PTPN3: variants seen among roughly 807,000 people sequenced by gnomAD.
PTPN3 encodes the protein protein tyrosine phosphatase non-receptor type 3, also known as tyrosine-protein phosphatase non-receptor type 3.
PTPN3 carries 96 observed loss-of-function variants against 132.7 expected under a neutral mutation model. That is an observed-to-expected ratio of 0.72 (90% confidence interval 0.61 to 0.86). The LOEUF (loss-of-function observed/expected upper bound fraction) is 0.86. PTPN3 is among the 40% of genes least tolerant of loss of function. The probability of loss-of-function intolerance (pLI) is 0.00; values close to 1 mark genes in which losing one functional copy is unlikely to be tolerated. For missense variants in PTPN3, 1,125 were observed against 1,159.6 expected (o/e 0.97, Z 0.43); for synonymous variants, 398 against 429.0 (o/e 0.93, Z 0.89).
intron 19 of PTPN3, among the ~76,000 whole-genome samples, chr9:109,398,503 T>C (rs1840779440): frequency 6.6e-6 from 1 of 152,098 alleles, no homozygotes; most frequent in Admixed American, 6.5e-5. Context: ...AGAACAAAGA[T>C]GGTTTCTGGT....
chr9:109,478,024 A>G (rs1846772050), intron 1 of PTPN3, among the ~76,000 whole-genome samples: 1 of 152,310 alleles, frequency 6.6e-6, no homozygotes, highest in East Asian at 1.9e-4. Flanking sequence ...AGGGGCCTGG[A>G]TCTCTGGAGG....
At chr9:109,401,723 C>T (rs561456959) in intron 19 of PTPN3, among the ~76,000 whole-genome samples, 25 of 152,242 alleles carry the variant, frequency 1.6e-4, no homozygotes, top group African/African-American at 5.8e-4. Flanking sequence ...CCAGGATCTG[C>T]ACTGCGCTGT....
chr9:109,379,373 C>T lies in PTPN3; in HGVS notation c.*183G>A, dbSNP rs575034787. On this transcript the variant is annotated 3_prime_UTR_variant, in exon 26 of 26. Transcript: ENST00000374541. ...GCCTAAATGATGCCATAATTGCATG[C>T]TTATCTACACCAGTTCCTATGTACA... The T allele has an allele frequency of 2.9e-5, 17 of 593,632 alleles. No individual in the cohort carries two copies. The East Asian group carries it at 4.5e-4, about 16-fold the overall frequency. The allele number at this position is 593,632 out of a possible 1,614,324, so 36.8% of individuals were successfully genotyped here.
intron 7 of PTPN3, among the ~76,000 whole-genome samples, chr9:109,441,407 T>C (rs2131954907): frequency 6.6e-6 from 1 of 152,278 alleles, no homozygotes; most frequent in South Asian, 2.1e-4. Flanking sequence ...AACCTGATCT[T>C]AGAGGCGGTT....
At chr9:109,388,600 C>G (rs377332000) in intron 22 of PTPN3, among the ~76,000 whole-genome samples, 2 of 152,090 alleles carry the variant, frequency 1.3e-5, no homozygotes, top group South Asian at 4.1e-4. Context: ...AAGCTGAGGT[C>G]TCCTGGATCA....
the PTPN3 span, chr9:109,533,474 G>T: frequency 2.5e-6 from 4 of 1,578,264 alleles, no homozygotes; most frequent in Non-Finnish European, 3.5e-6. Flanking sequence ...TGTCTGCGTC[G>T]GTAAGTTGCG....
the PTPN3 span, among the ~76,000 whole-genome samples, chr9:109,536,837 G>T: frequency 6.6e-6 from 1 of 152,150 alleles, no homozygotes; most frequent in South Asian, 2.1e-4. Flanking sequence ...TCTCTGGGAA[G>T]TTAAATTCCC....
chr9:109,496,863 C>A (rs1432088714), intron 1 of PTPN3, among the ~76,000 whole-genome samples: 2 of 152,172 alleles, frequency 1.3e-5, no homozygotes, highest in Non-Finnish European at 2.9e-5. Context: ...AATTATCAAA[C>A]CCTAAATGTC....
chr9:109,405,539 A>C (rs1054575795), intron 18 of PTPN3, among the ~76,000 whole-genome samples: 2 of 152,282 alleles, frequency 1.3e-5, no homozygotes, highest in South Asian at 2.1e-4. Flanking sequence ...TGTCCTTCAA[A>C]CCTCTGCTCC....
intron 14 of PTPN3, among the ~76,000 whole-genome samples, chr9:109,419,757 C>T (rs1028223939): frequency 1.3e-5 from 2 of 151,968 alleles, no homozygotes; most frequent in African/African-American, 2.4e-5. Context: ...AAAAGGGAAA[C>T]AAATGGGTTA....
chr9:109,448,102 G>C (rs1240948662), intron 6 of PTPN3, among the ~76,000 whole-genome samples: 1 of 152,096 alleles, frequency 6.6e-6, no homozygotes, highest in African/African-American at 2.4e-5. Context: ...TGCCCATATT[G>C]GTTCTAATTG....
In PTPN3 at chr9:109,377,158, G is replaced by A. The variant is rs1021069721; in HGVS notation, c.*2398C>T. ...TAATGGCATTTAAATTTTTGCCAGC[G>A]TTCCCTCCATCCCCCTTTCTTGGAG... On this transcript the variant is annotated 3_prime_UTR_variant, in exon 26 of 26. Coordinates refer to ENST00000374541, the MANE Select transcript of PTPN3 (RefSeq NM_002829.4). The A allele has an allele frequency of 6.6e-6, 1 of 152,130 alleles. No homozygotes were observed. The highest frequency in any genetic ancestry group is 6.5e-5 in the Admixed American group (1 of 15,272). The allele number at this position is 152,130 out of a possible 1,614,324, so 9.4% of individuals were successfully genotyped here.
At chr9:109,446,412 T>C (rs1054710842) in intron 6 of PTPN3, among the ~76,000 whole-genome samples, 3 of 152,134 alleles carry the variant, frequency 2.0e-5, no homozygotes, top group Non-Finnish European at 4.4e-5. Context: ...TTTCCCTATC[T>C]GAGGGGCCCC....
intron 22 of PTPN3, among the ~76,000 whole-genome samples, chr9:109,387,112 C>G (rs1262271701): frequency 6.6e-6 from 1 of 152,138 alleles, no homozygotes; most frequent in African/African-American, 2.4e-5. Context: ...AGGGCGTGTA[C>G]CACCTGGGTG....
chr9:109,513,454 TC>T, the PTPN3 span, among the ~76,000 whole-genome samples: 24 of 152,294 alleles, frequency 1.6e-4, no homozygotes, highest in African/African-American at 4.6e-4. Context: ...TTTATCCTGT[TC>T]CCCCCCAGAA....
rs942725238 is a variant in PTPN3, at chr9:109,451,276, G to A, written c.369-2421C>T. The A allele has an allele frequency of 8.1e-6, 8 of 985,034 alleles. No individual in the cohort carries two copies. In the African/African-American group the frequency reaches 1.2e-4, roughly 15 times the overall value. The allele number at this position is 985,034 out of a possible 1,614,324, so 61.0% of individuals were successfully genotyped here. A position where few individuals can be genotyped will look rare whatever the true frequency, so the allele number is the denominator to read the frequency against. On this transcript the variant is annotated intron_variant, in intron 5 of 25. Coordinates refer to ENST00000374541, the MANE Select transcript of PTPN3 (RefSeq NM_002829.4). ...CTGGTGGCCCACCAGCTCTATAAGA[G>A]TTATGGGGGTGGCTCCCACCATGGC... is the stretch of plus-strand genomic sequence containing the variant.
At chr9:109,449,308 G>C in intron 5 of PTPN3, 1 of 988,656 alleles carries the variant, frequency 1.0e-6, no homozygotes, top group Non-Finnish European at 1.2e-6. Context: ...GCATGAAGTT[G>C]CTAAAAGGAG....
chr9:109,465,229 C>T (rs981354923), intron 1 of PTPN3, among the ~76,000 whole-genome samples: 2 of 152,170 alleles, frequency 1.3e-5, no homozygotes, highest in Non-Finnish European at 2.9e-5. Context: ...GAAAGGTGTG[C>T]AACTGAGGAC....
rs1225526021 is a variant in PTPN3, at chr9:109,389,330, C to T, written c.2156G>A (p.Gly719Glu). Residue 719 changes from glycine (G) to glutamate (E), a missense_variant, in exon 22 of 26, where the codon GGG (glycine) becomes GAG (glutamate). Gly to Glu is a moderately conservative substitution (Grantham distance 98, BLOSUM62 -2). Coordinates refer to ENST00000374541, the MANE Select transcript of PTPN3 (RefSeq NM_002829.4). The part of the protein sequence containing the change: ...NLVNKYIATQ[G>E]PLPHTCAQFW... ...CTGTGCACAGGTATGCGGCAGGGGC[C>T]CCTGAGTGGCGATGTACTTGTTCAC... 2 of 1,614,104 alleles carry T rather than the reference C, an allele frequency of 1.2e-6. No homozygotes were observed. Among genetic ancestry groups the T allele is most frequent in the Admixed American group, 1.7e-5 (1 of 60,026 alleles).
Sources: allele counts gnomAD v4.1 joint callset (sites outside exome capture counted in the v4.1 genomes callset), GRCh38; gene constraint gnomAD v4.1.1; transcripts MANE v1.5; gene names NCBI Gene and HGNC (gene_info 2026-07-23, HGNC 2026-07-21).